The following FBXL17 variants were observed in gnomAD, a reference collection of about 807,000 sequenced individuals.
The protein encoded by FBXL17 is F-box/LRR-repeat protein 17.
Under a neutral mutation model 66.2 loss-of-function variants are expected in FBXL17, and 22 were observed. The observed-to-expected ratio is 0.33, with a 90% CI of 0.24 to 0.47. The LOEUF (loss-of-function observed/expected upper bound fraction) is 0.47. Among genes scored for constraint, FBXL17 ranks in the 20% least tolerant of loss-of-function variants. The probability of loss-of-function intolerance (pLI) is 1.00; values close to 1 mark genes in which losing one functional copy is unlikely to be tolerated. For synonymous variants in FBXL17, 474 were observed against 400.5 expected (o/e 1.18, Z -2.19); for missense variants, 878 against 948.2 (o/e 0.93, Z 0.97).
intron 6 of FBXL17, among the ~76,000 whole-genome samples, chr5:108,025,617 C>G (rs1580343853): frequency 6.6e-6 from 1 of 151,308 alleles, no homozygotes; most frequent in East Asian, 1.9e-4. Flanking sequence ...ACTAAACAAG[C>G]CAAGAATCCA....
chr5:107,878,682 T>C (rs1748688896), intron 8 of FBXL17: 12 of 985,328 alleles, frequency 1.2e-5, no homozygotes, highest in Non-Finnish European at 1.4e-5. Context: ...ATCTGAAAAC[T>C]GAATAGCTAC....
chr5:108,337,640 G>C (rs1396189916), intron 4 of FBXL17, among the ~76,000 whole-genome samples: 1 of 151,394 alleles, frequency 6.6e-6, no homozygotes, highest in African/African-American at 2.4e-5. Context: ...ATTCAGCTGA[G>C]CTTGAAGGTA....
At chr5:108,299,022 T>G in intron 4 of FBXL17, 1 of 978,790 alleles carries the variant, frequency 1.0e-6, no homozygotes, top group Non-Finnish European at 1.2e-6. Context: ...TAGCTGCCAA[T>G]ATGGATACCT....
At chr5:107,903,142 A>AC (rs1749631685) in intron 7 of FBXL17, among the ~76,000 whole-genome samples, 1 of 152,166 alleles carries the variant, frequency 6.6e-6, no homozygotes, top group African/African-American at 2.4e-5. Context: ...AGACTTCGGC[A>AC]ACATAACTCT....
chr5:108,126,664 C>CTCTCT (rs1561423141), intron 6 of FBXL17, among the ~76,000 whole-genome samples: 1,495 of 107,842 alleles, frequency 0.014, 35 homozygotes, highest in East Asian at 0.11. Flanking sequence ...TATATATATA[C>CTCTCT]ATATATATAT....
intron 7 of FBXL17, among the ~76,000 whole-genome samples, chr5:107,948,934 G>C (rs184773329): frequency 4.1e-4 from 62 of 152,192 alleles, no homozygotes; most frequent in Non-Finnish European, 8.1e-4. Context: ...CACTAAGCTA[G>C]GCACTTCAAA....
At chr5:108,248,013 A>G (rs567193104) in intron 4 of FBXL17, among the ~76,000 whole-genome samples, 12 of 152,206 alleles carry the variant, frequency 7.9e-5, no homozygotes, top group Non-Finnish European at 1.2e-4. Context: ...TTTCCAGGTT[A>G]TCTGCTAATG....
At chr5:107,999,351 T>C (rs186283087) in intron 7 of FBXL17, among the ~76,000 whole-genome samples, 58 of 152,242 alleles carry the variant, frequency 3.8e-4, no homozygotes, top group Middle Eastern at 3.4e-3. Flanking sequence ...GCAAGACTCT[T>C]ATGTTTCTGA....
At chr5:108,098,103 T>G (rs1185515413) in intron 6 of FBXL17, among the ~76,000 whole-genome samples, 1 of 152,090 alleles carries the variant, frequency 6.6e-6, no homozygotes. Flanking sequence ...GTCAGATGGA[T>G]GGAAACATAG....
At chr5:108,012,352 A>T (rs912441825) in intron 7 of FBXL17, among the ~76,000 whole-genome samples, 3 of 152,202 alleles carry the variant, frequency 2.0e-5, no homozygotes, top group African/African-American at 7.2e-5. Flanking sequence ...CAGAACACTT[A>T]ATCATGGCAT....
intron 6 of FBXL17, among the ~76,000 whole-genome samples, chr5:108,098,736 C>T (rs1749484797): frequency 1.6e-5 from 2 of 122,670 alleles, no homozygotes; most frequent in African/African-American, 3.3e-5. Flanking sequence ...CAGAGCGACA[C>T]TCTGTCTCAT....
intron 1 of FBXL17, among the ~76,000 whole-genome samples, chr5:108,376,766 T>A (rs1201212185): frequency 1.3e-5 from 2 of 150,642 alleles, no homozygotes; most frequent in Non-Finnish European, 2.9e-5. Flanking sequence ...ACATTTTGGA[T>A]AACATAGCCA....
chr5:108,011,676 T>A (rs962379362), intron 7 of FBXL17, among the ~76,000 whole-genome samples: 4 of 152,018 alleles, frequency 2.6e-5, no homozygotes, highest in Admixed American at 6.6e-5. Flanking sequence ...AAAATAAAAT[T>A]AGCCGGTCAT....
chr5:108,369,239 TA>T (rs1748871821), intron 1 of FBXL17, among the ~76,000 whole-genome samples: 1 of 152,232 alleles, frequency 6.6e-6, no homozygotes, highest in Non-Finnish European at 1.5e-5. Flanking sequence ...GAAAGGCTGA[TA>T]AAAGACCCAA....
chr5:108,068,558 C>G (rs553159266), intron 6 of FBXL17, among the ~76,000 whole-genome samples: 1 of 152,014 alleles, frequency 6.6e-6, no homozygotes, highest in South Asian at 2.1e-4. Context: ...CGGGTTCAAG[C>G]GATTCTCCCA....
chr5:108,251,255 A>C (rs1171504734), intron 4 of FBXL17, among the ~76,000 whole-genome samples: 1 of 152,032 alleles, frequency 6.6e-6, no homozygotes, highest in African/African-American at 2.4e-5. Context: ...GAAATTATCA[A>C]ACTTATTTTT....
In FBXL17 at chr5:108,112,110, A is replaced by G. The variant is rs78527007; in HGVS notation, c.1745+74007T>C. On this transcript the variant is annotated intron_variant, in intron 6 of 8. Transcript: ENST00000542267. ...TTTAGGGCTCTAGGACACCAAGGTGACCAGAATATGCTGGGAAGAGTGCCA... is the reference window on the plus strand; with the variant it reads ...TTTAGGGCTCTAGGACACCAAGGTGGCCAGAATATGCTGGGAAGAGTGCCA... Among the ~76,000 whole-genome samples, 1,184 of 152,286 alleles carry G rather than the reference A, an allele frequency of 7.8e-3. 15 individuals carry two copies. The highest frequency in any genetic ancestry group is 0.026 in the African/African-American group (1,069 of 41,554).
Position 108,037,054 on chromosome 5 carries a change from T to C in FBXL17, c.1746-16053A>G, listed in dbSNP as rs940925049. Among the ~76,000 whole-genome samples the C allele has an allele frequency of 9.2e-5, 14 of 152,096 alleles. 1 individual carries two copies. The highest frequency in any genetic ancestry group is 9.2e-4 in the Admixed American group (14 of 15,264). On this transcript the variant is annotated intron_variant, in intron 6 of 8. Coordinates refer to ENST00000542267, the MANE Select transcript of FBXL17 (RefSeq NM_001163315.3). ...ATGTAGATCCCTAGGGTTTAAAATATAAATAATAAGGTAAGAATATGTAAT... is the reference window on the plus strand; with the variant it reads ...ATGTAGATCCCTAGGGTTTAAAATACAAATAATAAGGTAAGAATATGTAAT...
chr5:107,913,509 T>A (rs557574728), intron 7 of FBXL17, among the ~76,000 whole-genome samples: 23 of 152,254 alleles, frequency 1.5e-4, no homozygotes, highest in African/African-American at 5.5e-4. Context: ...GATGATGGTG[T>A]CACTTTTTAT....
Sources: allele counts gnomAD v4.1 joint callset (sites outside exome capture counted in the v4.1 genomes callset), GRCh38; gene constraint gnomAD v4.1.1; transcripts MANE v1.5; gene names NCBI Gene and HGNC (gene_info 2026-07-23, HGNC 2026-07-21).